Variants in RHBDL3 observed in about 807,000 individuals in gnomAD.
The protein encoded by RHBDL3 is rhomboid-related protein 3.
In RHBDL3, 28 loss-of-function variants were observed where a neutral mutation model predicts 48.2. That is an observed-to-expected ratio of 0.58 (90% CI 0.43 to 0.80). The LOEUF is 0.80. RHBDL3 is among the 30% of genes least tolerant of loss of function. The pLI is 0.00. For synonymous variants in RHBDL3, 208 were observed against 232.3 expected, an observed-to-expected ratio of 0.90 and a Z score of 0.95; for missense variants, 464 against 542.7, an observed-to-expected ratio of 0.85 and a Z score of 1.44.
At chr17:32,304,731 A>G (rs1248144739) in intron 6 of RHBDL3, among the ~76,000 whole-genome samples, 2 of 152,236 alleles carry the variant, frequency 1.3e-5, no homozygotes, top group African/African-American at 4.8e-5. Context: ...CAGATAATCC[A>G]GGTAGAAGTC....
rs144854850 is a variant in RHBDL3 at position 32,312,967 on chromosome 17, G to A, written c.883-3265G>A. Among the ~76,000 whole-genome samples the A allele has an allele frequency of 9.7e-3, 1,475 of 152,094 alleles. 12 individuals are homozygous for A. The highest frequency in any genetic ancestry group is 0.016 in the Non-Finnish European group (1,106 of 67,980). On this transcript the variant is annotated intron_variant, in intron 7 of 8. Coordinates refer to ENST00000269051, the MANE Select transcript of RHBDL3 (RefSeq NM_138328.3). Reference sequence around the variant, plus strand: ...TGGCACTACAAGTGCACACCACCACGCCCAGCTAATTTTTTATAGAGGCAG... The same window carrying A: ...TGGCACTACAAGTGCACACCACCACACCCAGCTAATTTTTTATAGAGGCAG...
At chr17:32,284,844 C>T (rs754199583) in intron 3 of RHBDL3, 27 bp downstream of exon 3, 10 of 1,601,770 alleles carry the variant, frequency 6.2e-6, no homozygotes, top group East Asian at 4.5e-5. Context: ...CCTTGGTACT[C>T]GGGGGGACCT....
rs777629146 is a variant in RHBDL3, at chr17:32,298,146, G to A, written c.723G>A (p.Leu241=). 1.9e-6 allele frequency: 3 copies of A among 1,614,116 alleles called. No homozygotes were observed. Among genetic ancestry groups the A allele is most frequent in the East Asian group, 4.5e-5 (2 of 44,884 alleles). Reference sequence around the variant, plus strand: ...TGCAGCTGCTGGTGGGGGTGCCCCTGGAGATGGTGCATGGAGCCACCCGAA... The same window carrying A: ...TGCAGCTGCTGGTGGGGGTGCCCCTAGAGATGGTGCATGGAGCCACCCGAA... ...VVLQLLVGVP[L]EMVHGATRIG... The change falls in exon 6 of 9, where the codon CTG becomes CTA. Residue 241 remains leucine, a synonymous_variant. Transcript: ENST00000269051.
At chr17:32,270,694 C>A (rs1023660283) in intron 2 of RHBDL3, among the ~76,000 whole-genome samples, 2 of 152,116 alleles carry the variant, frequency 1.3e-5, no homozygotes, top group African/African-American at 4.8e-5. Context: ...GATTCTTCCC[C>A]ATGGGTCCCA....
chr17:32,271,291 A>G (rs2039768297), intron 2 of RHBDL3, among the ~76,000 whole-genome samples: 1 of 152,112 alleles, frequency 6.6e-6, no homozygotes, highest in Non-Finnish European at 1.5e-5. Context: ...CTTCTTTATT[A>G]TATTGTTTGA....
intron 2 of RHBDL3, among the ~76,000 whole-genome samples, chr17:32,278,296 CA>C (rs1192213296): frequency 6.6e-6 from 1 of 151,854 alleles, no homozygotes; most frequent in Non-Finnish European, 1.5e-5. Flanking sequence ...GACTCCATCT[CA>C]AAAAAATAAA....
Position 32,266,231 on chromosome 17 carries a change from C to G in RHBDL3, c.42C>G (p.Cys14Trp). The G allele has an allele frequency of 6.9e-7, 1 of 1,444,710 alleles. No homozygotes were observed. Among genetic ancestry groups the G allele is most frequent in the Non-Finnish European group, 9.0e-7 (1 of 1,105,194 alleles). 89.5% of individuals were successfully genotyped at this position (1,444,710 alleles called of 1,614,324 possible). Residue 14 changes from cysteine (C) to tryptophan (W), a missense_variant, in exon 1 of 9, where the codon TGC becomes TGG. Cys to Trp is a radical substitution (Grantham distance 215). Coordinates refer to ENST00000269051, the MANE Select transcript of RHBDL3 (RefSeq NM_138328.3). ...HPSPGPAVAA[C>W]AEAERIEELE... Reference sequence around the variant, plus strand: ...GCCCGGGCCCCGCGGTGGCCGCCTGCGCCGAGGCGGAGCGCATCGAGGAGC... The same window carrying G: ...GCCCGGGCCCCGCGGTGGCCGCCTGGGCCGAGGCGGAGCGCATCGAGGAGC...
Position 32,296,331 on chromosome 17 carries a change from C to CTTTTT in RHBDL3, c.669-1743_669-1739dup, listed in dbSNP as rs5819975. On this transcript the variant is annotated intron_variant, in intron 5 of 8. Transcript: ENST00000269051. The stretch of plus-strand genomic sequence containing the variant: ...GAGGGTTTTGGAGCAGAATAGGTCT[C>CTTTTT]TTTTTTTTTTTTTTTTTTTTTTGAG... Among the ~76,000 whole-genome samples the CTTTTT allele has an allele frequency of 6.2e-4, 52 of 83,806 alleles. 1 individual carries two copies. Among genetic ancestry groups the CTTTTT allele is most frequent in the African/African-American group, 1.5e-3 (33 of 22,654 alleles). The allele number at this position is 83,806 out of a possible 152,430, so 55.0% of individuals were successfully genotyped here. A position where few individuals can be genotyped will look rare whatever the true frequency, so the allele number is the denominator to read the frequency against.
At chr17:32,296,274 A>C (rs1241057742) in intron 5 of RHBDL3, among the ~76,000 whole-genome samples, 3 of 150,170 alleles carry the variant, frequency 2.0e-5, no homozygotes, top group Non-Finnish European at 4.4e-5. Flanking sequence ...AAGAAAAAAA[A>C]CAGAAAACCT....
intron 2 of RHBDL3, among the ~76,000 whole-genome samples, chr17:32,277,963 C>T (rs1203519175): frequency 6.6e-6 from 1 of 152,152 alleles, no homozygotes; most frequent in Non-Finnish European, 1.5e-5. Context: ...ATTTCAGGTA[C>T]CATCAGGTAC....
At chr17:32,319,787 G>A (rs967914402) in intron 8 of RHBDL3, among the ~76,000 whole-genome samples, 3 of 152,198 alleles carry the variant, frequency 2.0e-5, no homozygotes, top group African/African-American at 4.8e-5. Context: ...CCCTCAAAGG[G>A]CTTTATTTCA....
At chr17:32,286,751 T>C (rs2150712002) in intron 3 of RHBDL3, among the ~76,000 whole-genome samples, 1 of 152,326 alleles carries the variant, frequency 6.6e-6, no homozygotes, top group East Asian at 1.9e-4. Flanking sequence ...CCACACTGCA[T>C]TACAGCTGAG....
intron 5 of RHBDL3, among the ~76,000 whole-genome samples, chr17:32,295,346 G>A (rs993242620): frequency 3.9e-5 from 6 of 152,228 alleles, no homozygotes; most frequent in Admixed American, 6.5e-5. Flanking sequence ...CTGCACCTGC[G>A]GGGGAGGGTG....
chr17:32,268,015 G>C, intron 2 of RHBDL3, 90 bp downstream of exon 2: 1 of 983,358 alleles, frequency 1.0e-6, no homozygotes. Context: ...CTAGCTCCGC[G>C]CTCCTGAGAT....
At chr17:32,294,799 C>A (rs545218199) in intron 5 of RHBDL3, among the ~76,000 whole-genome samples, 1 of 152,120 alleles carries the variant, frequency 6.6e-6, no homozygotes, top group Admixed American at 6.6e-5. Flanking sequence ...GGGAGTCAAG[C>A]CACCAGATTT....
At position 32,321,438 on chromosome 17, in the gene RHBDL3, C is replaced by T. The variant is rs889611206; in HGVS notation, c.*209C>T. The T allele has an allele frequency of 1.6e-5, 23 of 1,424,826 alleles. No homozygotes were observed. Among genetic ancestry groups the T allele is most frequent in the East Asian group, 2.5e-5 (1 of 39,818 alleles). 88.3% of individuals were successfully genotyped at this position (1,424,826 alleles called of 1,614,324 possible). On this transcript the variant is annotated 3_prime_UTR_variant, in exon 9 of 9. Coordinates refer to ENST00000269051, the MANE Select transcript of RHBDL3 (RefSeq NM_138328.3). ...GCGGAGGAGTTGATGTGGCTGCTGT[C>T]GTTTTTCTCGGCTGCTCTGATGACA...
rs2039623808 is a variant in RHBDL3, at chr17:32,266,217, G to A, written c.28G>A (p.Ala10Thr). MGEHPSPGP[A>T]VAACAEAERI... ...GGGCGAGCACCCCAGCCCGGGCCCC[G>A]CGGTGGCCGCCTGCGCCGAGGCGGA... The change falls in exon 1 of 9, where the codon GCG becomes ACG. Residue 10 changes from alanine (A) to threonine (T), a missense_variant. Transcript: ENST00000269051. 1 of 1,414,590 alleles carries A rather than the reference G, an allele frequency of 7.1e-7. No individual in the cohort carries two copies. Among genetic ancestry groups the A allele is most frequent in the Non-Finnish European group, 9.2e-7 (1 of 1,090,002 alleles). 87.6% of individuals were successfully genotyped at this position (1,414,590 alleles called of 1,614,324 possible).
chr17:32,275,265 G>T (rs1337191816), intron 2 of RHBDL3, among the ~76,000 whole-genome samples: 3 of 152,218 alleles, frequency 2.0e-5, no homozygotes, highest in Non-Finnish European at 4.4e-5. Context: ...GTCAGGCTGG[G>T]CCGGATGAGT....
At chr17:32,319,317 G>T (rs1420725942) in intron 8 of RHBDL3, among the ~76,000 whole-genome samples, 1 of 151,476 alleles carries the variant, frequency 6.6e-6, no homozygotes. Context: ...AGCTACTGGG[G>T]AGGCTGAGGC....
Sources: gnomAD v4.1 joint callset for allele counts (sites outside exome capture counted in the v4.1 genomes callset) on GRCh38, gnomAD v4.1.1 for gene constraint, MANE v1.5 for transcripts, NCBI Gene and HGNC (gene_info 2026-07-23, HGNC 2026-07-21) for gene names.